The following CNGA3 variants were observed in gnomAD, a reference collection of about 807,000 sequenced individuals.
CNGA3 encodes the protein cyclic nucleotide-gated channel alpha-3.
In CNGA3, 42 loss-of-function variants were observed where a neutral mutation model predicts 46.6. That is an observed-to-expected ratio of 0.90 (90% CI 0.70 to 1.17). The LOEUF is 1.17. CNGA3 is among the 50% of genes most tolerant of loss of function. The pLI is 0.00. For missense variants in CNGA3, 893 were observed against 890.7 expected, an observed-to-expected ratio of 1.00 and a Z score of -0.03; for synonymous variants, 394 against 369.4, an observed-to-expected ratio of 1.07 and a Z score of -0.76.
rs369892428 is a variant in CNGA3, at chr2:98,396,538, G to A, written c.1368G>A (p.Val456=). 6 of 1,613,916 alleles carry A rather than the reference G, an allele frequency of 3.7e-6. No homozygotes were observed. In the East Asian group the frequency reaches 6.7e-5, roughly 18 times the overall value. Reference sequence around the variant, plus strand: ...AGAAGACGGTGGATGAGAAGGAGGTGCTCAAGAGCCTCCCAGACAAGCTGA... The same window carrying A: ...AGAAGACGGTGGATGAGAAGGAGGTACTCAAGAGCCTCCCAGACAAGCTGA... ...ANKKTVDEKE[V]LKSLPDKLKA... Residue 456 remains valine, a synonymous_variant, in exon 8 of 8, where the codon GTG becomes GTA. Transcript: ENST00000272602.
rs1432305934 is a variant in CNGA3, at chr2:98,389,757, G to A, written c.549G>A (p.Trp183Ter). The change falls in exon 6 of 8, where the codon TGG (tryptophan) becomes TGA (stop). Residue 183 changes from tryptophan (W) to a stop codon, truncating the protein, a stop_gained. Transcript: ENST00000272602. LOFTEE classifies it high-confidence loss of function. The stretch of plus-strand genomic sequence containing the variant: ...TCGCCCTGCCTGTCTTCTATAACTG[G>A]TATCTGCTTATTTGCAGGTAAGCGA... Reference protein sequence around the residue: ...TAIALPVFYNWYLLICRACFD... With the variant: ...TAIALPVFYN The A allele has an allele frequency of 6.2e-7, 1 of 1,612,902 alleles. No individual in the cohort carries two copies. Among genetic ancestry groups the A allele is most frequent in the Non-Finnish European group, 8.5e-7 (1 of 1,179,786 alleles).
intron 1 of CNGA3, among the ~76,000 whole-genome samples, chr2:98,361,329 C>T (rs1692028016): frequency 6.6e-6 from 1 of 152,138 alleles, no homozygotes. Context: ...TGGCTTCCAG[C>T]TCCATCCATG....
intron 5 of CNGA3, among the ~76,000 whole-genome samples, 179 bp from the exon 6 acceptor site, chr2:98,389,479 C>T (rs2104228732): frequency 6.6e-6 from 1 of 152,318 alleles, no homozygotes; most frequent in South Asian, 2.1e-4. Context: ...GTCTACCCTA[C>T]CTCCTGGCCT....
intron 5 of CNGA3, among the ~76,000 whole-genome samples, chr2:98,387,947 G>A (rs1467589359): frequency 1.3e-5 from 2 of 152,096 alleles, no homozygotes; most frequent in African/African-American, 2.4e-5. Context: ...ACCTCAAAAC[G>A]TCTCCAGTCT....
In CNGA3 at chr2:98,396,848, T is replaced by G; in HGVS notation, c.1678T>G (p.Ser560Ala). ...ISILNIKGSK[S>A]GNRRTANIRS... ...CATTCTGAACATCAAGGGGAGCAAG[T>G]CGGGGAACCGCAGGACGGCCAACAT... Residue 560 changes from serine (S) to alanine (A), a missense_variant, in exon 8 of 8, where the codon TCG (serine) becomes GCG (alanine). Coordinates refer to ENST00000272602, the MANE Select transcript of CNGA3 (RefSeq NM_001298.3). 6.2e-7 allele frequency: 1 copy of G among 1,614,020 alleles called. No individual in the cohort carries two copies. Among genetic ancestry groups the G allele is most frequent in the Non-Finnish European group, 8.5e-7 (1 of 1,179,984 alleles).
At chr2:98,370,850 G>T (rs138632771) in intron 2 of CNGA3, among the ~76,000 whole-genome samples, 17 of 151,748 alleles carry the variant, frequency 1.1e-4, no homozygotes, top group African/African-American at 4.1e-4. Context: ...TTTGTTTTTC[G>T]TGACAGAGTC....
chr2:98,396,115 C>G lies in CNGA3; in HGVS notation c.945C>G (p.His315Gln). 6.2e-7 allele frequency: 1 copy of G among 1,614,244 alleles called. No individual in the cohort carries two copies. Among genetic ancestry groups the G allele is most frequent in the Non-Finnish European group, 8.5e-7 (1 of 1,180,036 alleles). Residue 315 changes from histidine (H) to glutamine (Q), a missense_variant, in exon 8 of 8, where the codon CAC becomes CAG. Physicochemically the swap from His to Gln is conservative, Grantham distance 24. Coordinates refer to ENST00000272602, the MANE Select transcript of CNGA3 (RefSeq NM_001298.3). ...NLVLYILIII[H>Q]WNACIYFAIS... ...TCTTGTACATTCTCATCATCATCCACTGGAATGCCTGCATCTACTTTGCCA... is the reference window on the plus strand; with the variant it reads ...TCTTGTACATTCTCATCATCATCCAGTGGAATGCCTGCATCTACTTTGCCA...
chr2:98,355,583 A>G (rs527342926), intron 1 of CNGA3, among the ~76,000 whole-genome samples: 34 of 152,088 alleles, frequency 2.2e-4, no homozygotes, highest in Non-Finnish European at 4.6e-4. Flanking sequence ...TATTTTTAAA[A>G]CTCTTATATA....
Position 98,390,142 on chromosome 2 carries a change from C to CT in CNGA3, c.566+379dup, listed in dbSNP as rs562711126. On this transcript the variant is annotated intron_variant, in intron 6 of 7. Transcript: ENST00000272602. ...AGGGGCAAGCTGCTACTATTTTTTT[C>CT]TTTTTTTTTTTGAGACAGAGTCTCA... Among the ~76,000 whole-genome samples the CT allele has an allele frequency of 3.0e-3, 434 of 144,526 alleles. 2 individuals carry two copies. The highest frequency in any genetic ancestry group is 0.012 in the South Asian group (54 of 4,552). 94.8% of individuals were successfully genotyped at this position (144,526 alleles called of 152,430 possible).
At chr2:98,370,260 T>C (rs551653724) in intron 2 of CNGA3, among the ~76,000 whole-genome samples, 184 bp downstream of exon 2, 3 of 152,310 alleles carry the variant, frequency 2.0e-5, no homozygotes, top group South Asian at 2.1e-4. Flanking sequence ...CCCCAGAAAG[T>C]AGTCTGTATT....
chr2:98,364,839 G>A (rs932086840), intron 1 of CNGA3, among the ~76,000 whole-genome samples: 2 of 152,132 alleles, frequency 1.3e-5, no homozygotes, highest in South Asian at 4.1e-4. Flanking sequence ...TTACTTGTCT[G>A]AAAAGGATTT....
At chr2:98,376,839 C>T (rs1452760239) in intron 2 of CNGA3, among the ~76,000 whole-genome samples, 1 of 152,132 alleles carries the variant, frequency 6.6e-6, no homozygotes, top group Non-Finnish European at 1.5e-5. Context: ...AACTTCAGCC[C>T]CAGGAGGTTT....
At chr2:98,377,068 G>A (rs1030485639) in intron 2 of CNGA3, among the ~76,000 whole-genome samples, 1 of 152,188 alleles carries the variant, frequency 6.6e-6, no homozygotes, top group Non-Finnish European at 1.5e-5. Context: ...AGGGGAAGTG[G>A]AGTCTCATTT....
At chr2:98,362,110 CAT>C (rs765186414) in intron 1 of CNGA3, among the ~76,000 whole-genome samples, 3 of 150,368 alleles carry the variant, frequency 2.0e-5, no homozygotes, top group African/African-American at 4.9e-5. Context: ...AGCTTTTTTT[CAT>C]ATGTTTATTA....
intron 4 of CNGA3, among the ~76,000 whole-genome samples, chr2:98,382,302 G>A (rs146349155): frequency 3.3e-5 from 5 of 152,296 alleles, no homozygotes; most frequent in Non-Finnish European, 7.4e-5. Context: ...GTGGGGTTAC[G>A]GGCACAGAGG....
chr2:98,390,071 G>T (rs1253041936), intron 6 of CNGA3, among the ~76,000 whole-genome samples: 2 of 152,134 alleles, frequency 1.3e-5, no homozygotes, highest in Non-Finnish European at 2.9e-5. Flanking sequence ...GCTTCTCTTT[G>T]GAGGGATAAG....
chr2:98,362,274 G>A (rs1268066456), intron 1 of CNGA3, among the ~76,000 whole-genome samples: 13 of 147,246 alleles, frequency 8.8e-5, no homozygotes, highest in African/African-American at 3.0e-4. Context: ...CTGCCTCCCG[G>A]GTTCAAGTGA....
At chr2:98,349,260 T>TG (rs1691719696) in intron 1 of CNGA3, among the ~76,000 whole-genome samples, 1 of 150,130 alleles carries the variant, frequency 6.7e-6, no homozygotes, top group Non-Finnish European at 1.5e-5. Flanking sequence ...TGCCAGTAGG[T>TG]GGGGGCAAAA....
chr2:98,382,581 C>A (rs1180706578), intron 4 of CNGA3, among the ~76,000 whole-genome samples: 1 of 152,216 alleles, frequency 6.6e-6, no homozygotes, highest in African/African-American at 2.4e-5. Flanking sequence ...GGCTCCAGTT[C>A]CCGTGGTCTC....
Sources: gnomAD v4.1 joint callset for allele counts (sites outside exome capture counted in the v4.1 genomes callset) on GRCh38, gnomAD v4.1.1 for gene constraint, MANE v1.5 for transcripts, NCBI Gene and HGNC (gene_info 2026-07-23, HGNC 2026-07-21) for gene names.